NFIA: variants seen among roughly 807,000 people sequenced by gnomAD.
The protein encoded by NFIA is nuclear factor 1 A-type.
Under a neutral mutation model 62.8 loss-of-function variants are expected in NFIA, and 8 were observed. That is an observed-to-expected ratio of 0.13 (90% CI 0.07 to 0.23). The LOEUF (loss-of-function observed/expected upper bound fraction) is 0.23, where lower values mean the gene tolerates loss of function less well. Ranked by LOEUF, NFIA falls within the 10% of genes least tolerant of loss-of-function variation. NFIA has a pLI of 1.00. For synonymous variants in NFIA, 235 were observed against 238.1 expected (o/e 0.99, Z 0.12); for missense variants, 410 against 642.1 (o/e 0.64, Z 3.91).
intron 2 of NFIA, among the ~76,000 whole-genome samples, chr1:61,266,238 A>G (rs867867194): frequency 1.3e-5 from 2 of 152,152 alleles, no homozygotes; most frequent in Admixed American, 6.5e-5. Flanking sequence ...CACATGAAAC[A>G]TACCATCTTC....
chr1:61,274,599 A>G (rs1414638015), intron 2 of NFIA, among the ~76,000 whole-genome samples: 1 of 152,238 alleles, frequency 6.6e-6, no homozygotes, highest in Non-Finnish European at 1.5e-5. Context: ...AAGGTGGTAG[A>G]AATCAATCAA....
At chr1:61,148,866 CTTTCT>C (rs1648197896) in intron 2 of NFIA, among the ~76,000 whole-genome samples, 1 of 151,958 alleles carries the variant, frequency 6.6e-6, no homozygotes, top group Non-Finnish European at 1.5e-5. Context: ...GAACCATTCT[CTTTCT>C]TTTCTTTTTT....
Position 61,309,502 on chromosome 1 carries a change from A to C in NFIA, c.626-23010A>C, listed in dbSNP as rs78612822. 2.1e-4 allele frequency among the ~76,000 whole-genome samples: 31 copies of C among 151,066 alleles called. 1 individual carries two copies. In the South Asian group the frequency reaches 3.3e-3, roughly 16 times the overall value. On this transcript the variant is annotated intron_variant, in intron 3 of 10. Transcript: ENST00000403491. ...AAAAACAACAACAACAAAAAAAAAA[A>C]CACAAAATTCACACAAAGGCTTATG... is the stretch of plus-strand genomic sequence containing the variant.
chr1:61,156,030 AG>A (rs1648797388), intron 2 of NFIA, among the ~76,000 whole-genome samples: 1 of 152,128 alleles, frequency 6.6e-6, no homozygotes, highest in South Asian at 2.1e-4. Flanking sequence ...AGCTACTCGG[AG>A]GCTGTGACAG....
At chr1:61,311,546 G>A (rs2363874) in intron 3 of NFIA, among the ~76,000 whole-genome samples, 9,589 of 152,150 alleles carry the variant, frequency 0.063, 314 homozygotes, top group South Asian at 0.12. Context: ...TGTCCTGTGC[G>A]TTGTAGGATG....
intron 3 of NFIA, among the ~76,000 whole-genome samples, chr1:61,306,139 CG>C (rs887288048): frequency 1.3e-5 from 2 of 151,858 alleles, no homozygotes; most frequent in African/African-American, 4.8e-5. Context: ...CGTGAGCCAC[CG>C]CACCCAGCCT....
chr1:61,297,886 CA>C (rs1347555657), intron 3 of NFIA, among the ~76,000 whole-genome samples: 1 of 151,818 alleles, frequency 6.6e-6, no homozygotes, highest in East Asian at 1.9e-4. Flanking sequence ...AAAGAGGTTC[CA>C]AAAAAATAAA....
At position 61,082,827 on chromosome 1, in the gene NFIA, C is replaced by T. The variant is rs1646136811; in HGVS notation, c.27+9C>T. 3 of 1,509,900 alleles carry T rather than the reference C, an allele frequency of 2.0e-6. No individual in the cohort carries two copies. Among genetic ancestry groups the T allele is most frequent in the East Asian group, 2.9e-5 (1 of 35,008 alleles). The allele number at this position is 1,509,900 out of a possible 1,614,324, so 93.5% of individuals were successfully genotyped here. A position where few individuals can be genotyped will look rare whatever the true frequency, so the allele number is the denominator to read the frequency against. ...CGCTCTGTCTCACCCAGGTAAGCCG[C>T]GGCGTGGATGCGGAGGGCTTGGGGG... On this transcript the variant is annotated intron_variant, in intron 1 of 10. Coordinates refer to ENST00000403491, the MANE Select transcript of NFIA (RefSeq NM_001134673.4).
rs1484711555 is a variant in NFIA at position 61,461,868 on chromosome 1, A to G, written c.*6548A>G. 1 of 152,220 alleles carries G rather than the reference A, an allele frequency of 6.6e-6. No homozygotes were observed. The highest frequency in any genetic ancestry group is 2.4e-5 in the African/African-American group (1 of 41,460). 9.4% of individuals were successfully genotyped at this position (152,220 alleles called of 1,614,324 possible). A position where few individuals can be genotyped will look rare whatever the true frequency, so the allele number is the denominator to read the frequency against. On this transcript the variant is annotated 3_prime_UTR_variant, in exon 11 of 11. Transcript: ENST00000403491. ...GTATCTCTGCAGTGGTTTCAAGGACAAATAGTGTCCAATGTATTGGGCCAT... is the reference window on the plus strand; with the variant it reads ...GTATCTCTGCAGTGGTTTCAAGGACGAATAGTGTCCAATGTATTGGGCCAT...
chr1:61,259,982 T>C (rs766375978), intron 2 of NFIA, among the ~76,000 whole-genome samples: 11 of 152,204 alleles, frequency 7.2e-5, no homozygotes, highest in Non-Finnish European at 1.5e-4. Context: ...CTTTTGAGAT[T>C]GCAATAGCTC....
intron 5 of NFIA, among the ~76,000 whole-genome samples, chr1:61,358,470 T>C (rs1227492168): frequency 6.2e-5 from 8 of 129,542 alleles, no homozygotes; most frequent in Non-Finnish European, 1.1e-4. Flanking sequence ...CACTGCAACC[T>C]CCACCTCTCA....
intron 2 of NFIA, among the ~76,000 whole-genome samples, chr1:61,184,422 A>C (rs901540848): frequency 1.3e-5 from 2 of 152,224 alleles, no homozygotes; most frequent in Admixed American, 6.5e-5. Flanking sequence ...TTGCATGCCA[A>C]ATGTTCTTGC....
chr1:61,166,368 T>C (rs1649566813), intron 2 of NFIA, among the ~76,000 whole-genome samples: 1 of 152,174 alleles, frequency 6.6e-6, no homozygotes, highest in Non-Finnish European at 1.5e-5. Flanking sequence ...AGATATGTAT[T>C]CATTACATTT....
At chr1:61,322,951 A>G (rs904045266) in intron 3 of NFIA, among the ~76,000 whole-genome samples, 3 of 152,170 alleles carry the variant, frequency 2.0e-5, no homozygotes, top group South Asian at 4.1e-4. Context: ...CTCTGTCTCT[A>G]TGGCTATGGC....
chr1:61,405,759 T>C (rs1665785841), intron 8 of NFIA, among the ~76,000 whole-genome samples: 1 of 152,240 alleles, frequency 6.6e-6, no homozygotes, highest in South Asian at 2.1e-4. Flanking sequence ...CATGAAACTA[T>C]TTTGAAAAAA....
upstream of NFIA, among the ~76,000 whole-genome samples, chr1:61,078,264 A>G (rs926089463): frequency 1.4e-5 from 2 of 138,792 alleles, no homozygotes; most frequent in Non-Finnish European, 1.5e-5. Context: ...CGCGTTTAAG[A>G]AAAAAAAAAA....
intron 2 of NFIA, among the ~76,000 whole-genome samples, chr1:61,207,490 C>T (rs1461028669): frequency 6.6e-6 from 1 of 152,146 alleles, no homozygotes; most frequent in East Asian, 1.9e-4. Flanking sequence ...CTCCCAGCTC[C>T]CCCAGTGTGG....
intron 1 of NFIA, among the ~76,000 whole-genome samples, chr1:61,086,916 C>T (rs539812839): frequency 2.6e-4 from 39 of 152,166 alleles, no homozygotes; most frequent in African/African-American, 8.7e-4. Flanking sequence ...AAAAAGCCAT[C>T]GAATCTTTCT....
At chr1:61,438,429 G>A (rs1667428483) in intron 10 of NFIA, among the ~76,000 whole-genome samples, 2 of 152,272 alleles carry the variant, frequency 1.3e-5, no homozygotes, top group South Asian at 4.1e-4. Context: ...CCACAAAGAA[G>A]AAACAGAAAT....
Sources: allele counts gnomAD v4.1 joint callset (sites outside exome capture counted in the v4.1 genomes callset), GRCh38; gene constraint gnomAD v4.1.1; transcripts MANE v1.5; gene names NCBI Gene and HGNC (gene_info 2026-07-23, HGNC 2026-07-21).